Variants in KIF13B observed in about 807,000 individuals in gnomAD.
KIF13B encodes kinesin family member 13B, also known as kinesin-like protein KIF13B.
A neutral mutation model predicts 222.0 loss-of-function variants in KIF13B; 127 were observed. The ratio of observed to expected loss-of-function variants is 0.57; its 90% CI spans 0.50 to 0.66. The LOEUF is 0.66. KIF13B is among the 30% of genes least tolerant of loss of function. KIF13B has a pLI of 0.00. For missense variants in KIF13B, 2,173 were observed against 2,379.0 expected, an observed-to-expected ratio of 0.91 and a Z score of 1.80; for synonymous variants, 976 against 919.0, an observed-to-expected ratio of 1.06 and a Z score of -1.12.
intron 23 of KIF13B, 47 bp from the exon 24 acceptor site, chr8:29,130,712 T>C (rs768579239): frequency 1.3e-6 from 2 of 1,593,998 alleles, no homozygotes; most frequent in South Asian, 2.2e-5. Context: ...TTCTATTTCA[T>C]TACAGGCAGC....
chr8:29,217,864 A>AC (rs369118539), intron 2 of KIF13B, among the ~76,000 whole-genome samples: 287 of 151,880 alleles, frequency 1.9e-3, no homozygotes, highest in African/African-American at 6.6e-3. Context: ...CTATCAGGAC[A>AC]CCCCCCCACA....
At chr8:29,172,077 C>CTT in intron 10 of KIF13B, among the ~76,000 whole-genome samples, 1 of 73,574 alleles carries the variant, frequency 1.4e-5, no homozygotes, top group African/African-American at 4.1e-5. Context: ...CATATATTTT[C>CTT]TTTTCTTTTT....
At chr8:29,100,547 G>A (rs914691057) in intron 35 of KIF13B, among the ~76,000 whole-genome samples, 4 of 151,908 alleles carry the variant, frequency 2.6e-5, no homozygotes, top group South Asian at 2.1e-4. Flanking sequence ...GGGTTCAAGC[G>A]ATTCTCCTGC....
At position 29,100,212 on chromosome 8, in the gene KIF13B, T is replaced by C. The variant is rs1374463608; in HGVS notation, c.4216-971A>G. Among the ~76,000 whole-genome samples the C allele has an allele frequency of 6.6e-5, 10 of 152,248 alleles. No individual in the cohort carries two copies. In the East Asian group the frequency reaches 1.9e-3, roughly 29 times the overall value. On this transcript the variant is annotated intron_variant, in intron 35 of 39. Coordinates refer to ENST00000524189, the MANE Select transcript of KIF13B (RefSeq NM_015254.4). ...ATCAGTTGATAGATTAAAAGACCAT[T>C]CCAAAATTCATGGTGAGCCATAAAA...
At chr8:29,257,850 C>A (rs1176746385) in intron 1 of KIF13B, among the ~76,000 whole-genome samples, 1 of 152,078 alleles carries the variant, frequency 6.6e-6, no homozygotes, top group African/African-American at 2.4e-5. Flanking sequence ...AACCAACCAA[C>A]AAACAAAAAA....
At chr8:29,072,362 A>C in intron 38 of KIF13B, 46 bp from the exon 39 acceptor site, 3 of 1,287,534 alleles carry the variant, frequency 2.3e-6, no homozygotes, top group Non-Finnish European at 3.0e-6. Context: ...AAAACTTTCC[A>C]ACACGAACCA....
rs552026041 is a variant in KIF13B at position 29,147,743 on chromosome 8, T to C, written c.1814-141A>G. 9.2e-6 allele frequency: 6 copies of C among 654,044 alleles called. No individual in the cohort carries two copies. In the Admixed American group the frequency reaches 1.4e-4, roughly 15 times the overall value. 40.5% of individuals were successfully genotyped at this position (654,044 alleles called of 1,614,324 possible). ...AGACAATTTGGCATAAACTTAGCTTTCCTGACTTTCAATCACTCATGTTGT... is the reference window on the plus strand; with the variant it reads ...AGACAATTTGGCATAAACTTAGCTTCCCTGACTTTCAATCACTCATGTTGT... On this transcript the variant is annotated intron_variant, in intron 16 of 39. Transcript: ENST00000524189.
intron 2 of KIF13B, among the ~76,000 whole-genome samples, chr8:29,226,345 A>G (rs1815024281): frequency 6.6e-6 from 1 of 152,248 alleles, no homozygotes; most frequent in African/African-American, 2.4e-5. Context: ...GAGTTTTATA[A>G]AAACATACCT....
intron 23 of KIF13B, among the ~76,000 whole-genome samples, chr8:29,131,173 T>C (rs569502244): frequency 2.0e-5 from 3 of 150,226 alleles, no homozygotes; most frequent in East Asian, 3.9e-4. Context: ...CTCCCAGGAG[T>C]TGGGGAGCAG....
At position 29,180,176 on chromosome 8, in the gene KIF13B, G is replaced by A. The variant is rs1376470808; in HGVS notation, c.648C>T (p.Asn216=). ...KSRTVAATNM[N]EESSRSHAVF... ...CTGCATGGGATCGGCTACTCTCCTC[G>A]TTCATGTTGGTTGCAGCAACTGTGC... is the stretch of plus-strand genomic sequence containing the variant. Residue 216 remains asparagine, a synonymous_variant, in exon 8 of 40, where the codon AAC becomes AAT. Transcript: ENST00000524189. The A allele has an allele frequency of 5.6e-6, 9 of 1,613,798 alleles. No homozygotes were observed. The highest frequency in any genetic ancestry group is 2.7e-5 in the African/African-American group (2 of 74,910).
chr8:29,112,797 G>C, intron 32 of KIF13B, among the ~76,000 whole-genome samples: 1 of 152,266 alleles, frequency 6.6e-6, no homozygotes, highest in Non-Finnish European at 1.5e-5. Context: ...TCTAATTCAC[G>C]AATCACCTAT....
intron 36 of KIF13B, among the ~76,000 whole-genome samples, chr8:29,095,995 T>G (rs1808509050): frequency 6.6e-6 from 1 of 151,620 alleles, no homozygotes; most frequent in African/African-American, 2.4e-5. Flanking sequence ...TGTTTTTTTT[T>G]TTTTAAGACA....
rs1327035413 is a variant in KIF13B at position 29,099,239 on chromosome 8, G to A, written c.4218C>T (p.Gly1406=). The change falls in exon 36 of 40, where the codon GGC becomes GGT. Residue 1406 remains glycine (G), a splice_region_variant and synonymous_variant. Transcript: ENST00000524189. ...ATACATCCTGCTGACTTTCCCACCG[G>A]CCCTAGTAAAGACAAAATTGGCAAT... ...IPSYSLGSNK[G]RWESQQDVSQ... 1 of 1,594,672 alleles carries A rather than the reference G, an allele frequency of 6.3e-7. No individual in the cohort carries two copies. The highest frequency in any genetic ancestry group is 1.1e-5 in the South Asian group (1 of 87,196).
At chr8:29,262,303 T>A (rs1001108056) in intron 1 of KIF13B, among the ~76,000 whole-genome samples, 2 of 152,230 alleles carry the variant, frequency 1.3e-5, no homozygotes, top group African/African-American at 4.8e-5. Context: ...CACAAGAATC[T>A]TGGCACTTTA....
At chr8:29,186,222 T>C in intron 6 of KIF13B, 70 bp downstream of exon 6, 1 of 1,237,892 alleles carries the variant, frequency 8.1e-7, no homozygotes, top group Non-Finnish European at 1.1e-6. Context: ...TTAAAAAGAT[T>C]TGCACTTAAG....
chr8:29,262,457 C>T (rs948779342), intron 1 of KIF13B, among the ~76,000 whole-genome samples: 39 of 152,312 alleles, frequency 2.6e-4, no homozygotes, highest in African/African-American at 9.4e-4. Context: ...GGGGCACCCG[C>T]CTGGCCCCCT....
chr8:29,204,790 T>C (rs1563786794), intron 2 of KIF13B, among the ~76,000 whole-genome samples: 1 of 151,920 alleles, frequency 6.6e-6, no homozygotes, highest in African/African-American at 2.4e-5. Context: ...AAAGGCGGAT[T>C]AAGATATTCT....
chr8:29,098,458 C>G (rs1808640127), intron 36 of KIF13B, among the ~76,000 whole-genome samples: 1 of 151,550 alleles, frequency 6.6e-6, no homozygotes, highest in Non-Finnish European at 1.5e-5. Flanking sequence ...CAAAAATTAG[C>G]CAGGCGTGGT....
chr8:29,146,660 C>A, intron 17 of KIF13B, 120 bp from the exon 18 acceptor site: 5 of 854,522 alleles, frequency 5.9e-6, no homozygotes, highest in African/African-American at 1.7e-5. Context: ...TTTCCGTGGT[C>A]GTCTGCACGC....
Sources: allele counts gnomAD v4.1 joint callset (sites outside exome capture counted in the v4.1 genomes callset), GRCh38; gene constraint gnomAD v4.1.1; transcripts MANE v1.5; gene names NCBI Gene and HGNC (gene_info 2026-07-23, HGNC 2026-07-21).